TRDN: variants seen among roughly 807,000 people sequenced by gnomAD.
The protein encoded by TRDN is triadin in skeletal muscle.
Under a neutral mutation model 149.7 loss-of-function variants are expected in TRDN, and 161 were observed. The observed-to-expected ratio is 1.08, with a 90% CI of 0.95 to 1.23. The LOEUF (loss-of-function observed/expected upper bound fraction) is 1.23. Among genes scored for constraint, TRDN ranks in the 50% most tolerant of loss-of-function variants. TRDN has a pLI of 0.00. For missense variants in TRDN, 896 were observed against 823.5 expected (o/e 1.09, Z -1.08); for synonymous variants, 294 against 250.5 (o/e 1.17, Z -1.64).
At chr6:123,594,070 A>T (rs1206961606) in intron 1 of TRDN, among the ~76,000 whole-genome samples, 1 of 152,182 alleles carries the variant, frequency 6.6e-6, no homozygotes, top group East Asian at 1.9e-4. Flanking sequence ...TGTATATTTT[A>T]AAAGATGTAT....
intron 2 of TRDN, among the ~76,000 whole-genome samples, chr6:123,556,406 T>C (rs931581354): frequency 6.6e-6 from 1 of 152,174 alleles, no homozygotes; most frequent in South Asian, 2.1e-4. Context: ...GTCTCTTATC[T>C]TTAGCTCAAT....
intron 24 of TRDN, among the ~76,000 whole-genome samples, chr6:123,287,222 A>G (rs991459499): frequency 2.6e-4 from 39 of 152,288 alleles, no homozygotes; most frequent in Admixed American, 2.0e-3. Context: ...ATCTGAAGAC[A>G]TTTCACAGTT....
intron 20 of TRDN, among the ~76,000 whole-genome samples, chr6:123,365,719 T>A (rs1217561609): frequency 6.6e-6 from 1 of 152,194 alleles, no homozygotes; most frequent in Admixed American, 6.5e-5. Flanking sequence ...TCTCACCTAA[T>A]ACATTTCATA....
At chr6:123,431,456 TA>T (rs1774340009) in intron 12 of TRDN, among the ~76,000 whole-genome samples, 1 of 152,200 alleles carries the variant, frequency 6.6e-6, no homozygotes, top group African/African-American at 2.4e-5. Context: ...AAAATTTATC[TA>T]GATTTCAATG....
intron 38 of TRDN, among the ~76,000 whole-genome samples, chr6:123,238,039 G>GA (rs1363436939): frequency 6.6e-6 from 1 of 152,066 alleles, no homozygotes; most frequent in Non-Finnish European, 1.5e-5. Flanking sequence ...TTATGTGACA[G>GA]AAAAAATAAA....
intron 9 of TRDN, among the ~76,000 whole-genome samples, chr6:123,488,443 C>G: frequency 6.6e-6 from 1 of 152,106 alleles, no homozygotes. Context: ...GTCCAGTGAG[C>G]ATTGACCCCA....
chr6:123,529,799 A>T (rs572246964), intron 5 of TRDN, among the ~76,000 whole-genome samples: 2 of 152,104 alleles, frequency 1.3e-5, no homozygotes, highest in African/African-American at 4.8e-5. Context: ...GAAACTGACC[A>T]TTGGGAAAAC....
chr6:123,313,755 C>T (rs543498542), intron 24 of TRDN, among the ~76,000 whole-genome samples: 24 of 152,064 alleles, frequency 1.6e-4, no homozygotes, highest in Admixed American at 1.4e-3. Context: ...TGACAGGATT[C>T]CCTATTCAAT....
Position 123,221,495 on chromosome 6 carries a change from T to C in TRDN, c.2042A>G (p.Lys681Arg). 6.4e-7 allele frequency: 1 copy of C among 1,567,674 alleles called. No individual in the cohort carries two copies. Among genetic ancestry groups the C allele is most frequent in the East Asian group, 2.3e-5 (1 of 44,018 alleles). The change falls in exon 40 of 41, where the codon AAG becomes AGG. Residue 681 changes from lysine to arginine, a missense_variant. Coordinates refer to ENST00000334268, the MANE Select transcript of TRDN (RefSeq NM_006073.4). Reference protein sequence around the residue: ...KEGTEDVSPTKQKSPISFFQC... With the variant: ...KEGTEDVSPTRQKSPISFFQC... Reference sequence around the variant, plus strand: ...TCTCATTATAAACTTACTTTTCTGCTTTGTGGGAGACACATCTTCAGTTCC... The same window carrying C: ...TCTCATTATAAACTTACTTTTCTGCCTTGTGGGAGACACATCTTCAGTTCC...
rs140992562 is a variant in TRDN at position 123,314,437 on chromosome 6, G to A, written c.1510+2020C>T. Among the ~76,000 whole-genome samples the A allele has an allele frequency of 4.8e-3, 726 of 152,070 alleles. 4 individuals carry two copies. Among genetic ancestry groups the A allele is most frequent in the African/African-American group, 0.017 (686 of 41,518 alleles). On this transcript the variant is annotated intron_variant, in intron 24 of 40. Transcript: ENST00000334268. ...TTCGACCATTGTGGAAAACAGTGTG[G>A]CGATTCATCAAAGACCAGTGTGGCA...
chr6:123,371,273 A>G (rs1037193707), intron 19 of TRDN, among the ~76,000 whole-genome samples: 1 of 152,190 alleles, frequency 6.6e-6, no homozygotes, highest in Admixed American at 6.5e-5. Flanking sequence ...TGTATTGAAT[A>G]CCAGCTATAT....
intron 38 of TRDN, among the ~76,000 whole-genome samples, chr6:123,244,381 C>A (rs4521615): frequency 0.044 from 6,673 of 152,110 alleles, 426 homozygotes; most frequent in African/African-American, 0.15. Context: ...ACTAGAATAA[C>A]CAGTTTAGAG....
chr6:123,312,718 G>A (rs189901126), intron 24 of TRDN, among the ~76,000 whole-genome samples: 10 of 151,908 alleles, frequency 6.6e-5, no homozygotes, highest in South Asian at 2.1e-4. Flanking sequence ...TTAAGTTTTC[G>A]CTTACTGCTA....
chr6:123,280,109 C>A (rs1222680699), intron 24 of TRDN, among the ~76,000 whole-genome samples: 1 of 152,184 alleles, frequency 6.6e-6, no homozygotes. Context: ...AGTTGCCTAG[C>A]AAATCACGGA....
intron 38 of TRDN, among the ~76,000 whole-genome samples, chr6:123,228,163 C>A (rs551329275): frequency 6.6e-6 from 1 of 151,930 alleles, no homozygotes; most frequent in Non-Finnish European, 1.5e-5. Context: ...CTCAGAATAT[C>A]TGTGAGGAAT....
At chr6:123,350,976 G>A (rs1406931276) in intron 21 of TRDN, 2 of 984,846 alleles carry the variant, frequency 2.0e-6, no homozygotes, top group African/African-American at 3.5e-5. Context: ...TGACACCAAT[G>A]TGATGATCAG....
chr6:123,516,682 A>G (rs1416864331), intron 5 of TRDN, among the ~76,000 whole-genome samples: 1 of 152,112 alleles, frequency 6.6e-6, no homozygotes, highest in East Asian at 1.9e-4. Flanking sequence ...TAAAAAATAT[A>G]CTGGAATAAG....
intron 8 of TRDN, among the ~76,000 whole-genome samples, chr6:123,501,240 T>C (rs1295770154): frequency 6.6e-6 from 1 of 152,106 alleles, no homozygotes; most frequent in Non-Finnish European, 1.5e-5. Context: ...CTAATAAATA[T>C]GTGTCCCATG....
At chr6:123,614,288 TAAAAAAAAAAACAA>T (rs1301714938) in intron 1 of TRDN, among the ~76,000 whole-genome samples, 2 of 59,314 alleles carry the variant, frequency 3.4e-5, no homozygotes, top group East Asian at 5.9e-4. Flanking sequence ...AGTGCTTCAT[TAAAAAAAAAAACAA>T]AAAAAAAAAA....
Sources: allele counts gnomAD v4.1 joint callset (sites outside exome capture counted in the v4.1 genomes callset), GRCh38; gene constraint gnomAD v4.1.1; transcripts MANE v1.5; gene names NCBI Gene and HGNC (gene_info 2026-07-23, HGNC 2026-07-21).